The following GPI variants were observed in gnomAD, a reference collection of about 807,000 sequenced individuals.
The protein encoded by GPI is D-hexose-6-phosphate anomerase.
In GPI, 56 loss-of-function variants were observed where a neutral mutation model predicts 75.8. The observed-to-expected ratio is 0.74, with a 90% CI of 0.60 to 0.92. The LOEUF is 0.92. GPI is among the 40% of genes least tolerant of loss of function. The pLI is 0.00. For missense variants in GPI, 638 were observed against 741.0 expected, an observed-to-expected ratio of 0.86 and a Z score of 1.61; for synonymous variants, 288 against 285.4, an observed-to-expected ratio of 1.01 and a Z score of -0.09.
chr19:34,382,961 G>A (rs2074677372), intron 9 of GPI, among the ~76,000 whole-genome samples: 3 of 152,262 alleles, frequency 2.0e-5, no homozygotes, highest in Non-Finnish European at 4.4e-5. Flanking sequence ...AAGAACCCAG[G>A]GATAGGAGCA....
At chr19:34,366,963 C>T (rs1167160519) in intron 3 of GPI, 112 bp downstream of exon 3, 2 of 866,472 alleles carry the variant, frequency 2.3e-6, no homozygotes, top group African/African-American at 3.3e-5. Context: ...AATGCTTTTG[C>T]TTAATGAGGG....
chr19:34,365,088 TGG>T, upstream of GPI: 1 of 1,320,446 alleles, frequency 7.6e-7, no homozygotes, highest in African/African-American at 1.6e-5. Context: ...GCACCCGGCC[TGG>T]GTATCGGGGC....
Position 34,393,406 on chromosome 19 carries a change from CA to C in GPI, c.865+99del, listed in dbSNP as rs929580137. ...GTGTCCCTGAACATCATGCTGTCCT[CA>C]CAGGCTGCTGGCCTCTCTGCAGCTG... On this transcript the variant is annotated intron_variant, in intron 10 of 17. Transcript: ENST00000356487. The surrounding 1 kb of genome is among the most constrained non-coding windows in gnomAD (Gnocchi z 4.4). 2.1e-6 allele frequency: 2 copies of C among 953,420 alleles called. No homozygotes were observed. The highest frequency in any genetic ancestry group is 3.2e-5 in the African/African-American group (2 of 62,132). 59.1% of individuals were successfully genotyped at this position (953,420 alleles called of 1,614,324 possible).
Position 34,368,677 on chromosome 19 carries a change from T to C in GPI, c.377T>C (p.Leu126Pro), listed in dbSNP as rs1231407530. The change falls in exon 4 of 18, where the codon CTG becomes CCG. Residue 126 changes from leucine to proline, a missense_variant. Transcript: ENST00000356487. ...KDVMPEVNKVLDKMKSFCQRV... is the reference protein window; with the variant it reads ...KDVMPEVNKVPDKMKSFCQRV... The stretch of plus-strand genomic sequence containing the variant: ...GTGATGCCAGAGGTCAACAAGGTTC[T>C]GGACAAGATGAAGTCTTTCTGCCAG... 1 of 1,614,228 alleles carries C rather than the reference T, an allele frequency of 6.2e-7. No homozygotes were observed. The highest frequency in any genetic ancestry group is 2.2e-5 in the East Asian group (1 of 44,894).
chr19:34,399,076 C>T (rs1198384533), intron 14 of GPI, 131 bp from the exon 15 acceptor site: 10 of 734,324 alleles, frequency 1.4e-5, no homozygotes, highest in African/African-American at 5.3e-5. Context: ...GTGTCCCCCT[C>T]GCTCCAACTG....
At chr19:34,379,799 TC>T (rs2074614112) in intron 8 of GPI, 6 of 632,070 alleles carry the variant, frequency 9.5e-6, no homozygotes, top group Non-Finnish European at 1.7e-5. Flanking sequence ...AACCCCTTCT[TC>T]CGTCTCCCAG....
intron 9 of GPI, among the ~76,000 whole-genome samples, chr19:34,389,064 C>T (rs1429133045): frequency 6.6e-6 from 1 of 151,724 alleles, no homozygotes; most frequent in Non-Finnish European, 1.5e-5. Flanking sequence ...CTGCACTCCA[C>T]CTGGGCAACA....
upstream of GPI, chr19:34,365,195 C>T (rs550848083): frequency 1.5e-5 from 21 of 1,374,306 alleles, no homozygotes; most frequent in Admixed American, 1.3e-4. Context: ...CCACGCGCCT[C>T]GCTTGCTGCG....
At position 34,394,306 on chromosome 19, in the gene GPI, C is replaced by G. The variant is rs146807416; in HGVS notation, c.1062+240C>G. 1.9e-3 allele frequency among the ~76,000 whole-genome samples: 292 copies of G among 152,142 alleles called. 1 individual carries two copies. Among genetic ancestry groups the G allele is most frequent in the African/African-American group, 6.8e-3 (283 of 41,518 alleles). On this transcript the variant is annotated intron_variant, in intron 12 of 17. Coordinates refer to ENST00000356487, the MANE Select transcript of GPI (RefSeq NM_000175.5). ...ATGACTGGTGATCATGGTGCCCTGG[C>G]TAGGGAGGTCCTGGCTTGACTCAGG...
rs1009888900 is a variant in GPI, at chr19:34,388,475, T to A, written c.805-4773T>A. Among the ~76,000 whole-genome samples the A allele has an allele frequency of 8.7e-5, 11 of 126,386 alleles. No individual in the cohort carries two copies. In the East Asian group the frequency reaches 1.0e-3, roughly 12 times the overall value. The allele number at this position is 126,386 out of a possible 152,430, so 82.9% of individuals were successfully genotyped here. A position where few individuals can be genotyped will look rare whatever the true frequency, so the allele number is the denominator to read the frequency against. ...GGGCGACAGAGTGAGAGACCCTGTCTCAAAAAAAAAGAAAGTGAGTAAAGT... is the reference window on the plus strand; with the variant it reads ...GGGCGACAGAGTGAGAGACCCTGTCACAAAAAAAAAGAAAGTGAGTAAAGT... On this transcript the variant is annotated intron_variant, in intron 9 of 17. Transcript: ENST00000356487.
At chr19:34,363,942 T>C (rs1439527141), upstream of GPI, among the ~76,000 whole-genome samples, 1 of 152,194 alleles carries the variant, frequency 6.6e-6, no homozygotes, top group Non-Finnish European at 1.5e-5. Flanking sequence ...AAAAGGGCCA[T>C]GTGGACAGGG....
intron 8 of GPI, chr19:34,381,195 C>A (rs2074645316): frequency 1.9e-6 from 1 of 538,168 alleles, no homozygotes; most frequent in Non-Finnish European, 3.4e-6. Context: ...CAGGTCCTCA[C>A]ACGGGGTTAC....
At chr19:34,366,318 G>A in intron 1 of GPI, 27 bp from the exon 2 acceptor site, 2 of 1,446,528 alleles carry the variant, frequency 1.4e-6, no homozygotes, top group Non-Finnish European at 1.9e-6. Flanking sequence ...CCAGGGTGTG[G>A]TCAGCAGCAT....
chr19:34,381,031 C>T (rs2074642168), intron 8 of GPI: 1 of 313,818 alleles, frequency 3.2e-6, no homozygotes, highest in South Asian at 2.9e-5. Flanking sequence ...GGCTGGGTGG[C>T]TGTTCAGCCT....
chr19:34,367,712 T>C (rs2074387680), intron 3 of GPI, among the ~76,000 whole-genome samples: 1 of 152,190 alleles, frequency 6.6e-6, no homozygotes, highest in African/African-American at 2.4e-5. Flanking sequence ...GCCAGCCGCC[T>C]GGCACCCGTC....
chr19:34,371,756 G>A (rs970029394), intron 4 of GPI, among the ~76,000 whole-genome samples: 3 of 151,486 alleles, frequency 2.0e-5, no homozygotes, highest in Admixed American at 1.3e-4. Flanking sequence ...TCGGGAGGCT[G>A]AGGCAGGAGA....
chr19:34,365,749 T>C (rs1342650976), intron 1 of GPI: 1 of 491,472 alleles, frequency 2.0e-6, no homozygotes, highest in Middle Eastern at 3.1e-4. Flanking sequence ...GGGAAAGGGC[T>C]GTCCCTTTCC....
chr19:34,380,146 G>A (rs1285976802), intron 8 of GPI, among the ~76,000 whole-genome samples: 3 of 149,208 alleles, frequency 2.0e-5, no homozygotes, highest in Non-Finnish European at 4.4e-5. Context: ...ACAGGTGCAC[G>A]CCACCATGCC....
Position 34,400,545 on chromosome 19 carries a change from A to C in GPI, c.*509A>C. On this transcript the variant is annotated 3_prime_UTR_variant, in exon 18 of 18. Transcript: ENST00000356487. ...ACTTGGCCTGTGTCACCAAATCCCAAGACTGTTTTCCACTCCTCACCTCTG... is the reference window on the plus strand; with the variant it reads ...ACTTGGCCTGTGTCACCAAATCCCACGACTGTTTTCCACTCCTCACCTCTG... 2 of 461,990 alleles carry C rather than the reference A, an allele frequency of 4.3e-6. No homozygotes were observed. The highest frequency in any genetic ancestry group is 7.6e-6 in the Non-Finnish European group (2 of 263,940). 28.6% of individuals were successfully genotyped at this position (461,990 alleles called of 1,614,324 possible). A position where few individuals can be genotyped will look rare whatever the true frequency, so the allele number is the denominator to read the frequency against.
Sources: gnomAD v4.1 joint callset for allele counts (sites outside exome capture counted in the v4.1 genomes callset) on GRCh38, gnomAD v4.1.1 for gene constraint, Gnocchi (gnomAD v3.1) non-coding constraint, MANE v1.5 for transcripts, NCBI Gene and HGNC (gene_info 2026-07-23, HGNC 2026-07-21) for gene names.